The following ABLIM1 variants were observed in gnomAD, a reference collection of about 807,000 sequenced individuals.
ABLIM1 encodes the protein actin-binding LIM protein 1.
Under a neutral mutation model 107.0 loss-of-function variants are expected in ABLIM1, and 40 were observed. The observed-to-expected ratio is 0.37, with a 90% CI of 0.29 to 0.49. The LOEUF is 0.49. ABLIM1 is among the 20% of genes least tolerant of loss of function. ABLIM1 has a pLI of 0.97. For missense variants in ABLIM1, 857 were observed against 1,008.5 expected (o/e 0.85, Z 2.04); for synonymous variants, 357 against 357.3 (o/e 1.00, Z 0.01).
At chr10:114,692,381 T>G (rs1341243298) in intron 1 of ABLIM1, among the ~76,000 whole-genome samples, 1 of 152,262 alleles carries the variant, frequency 6.6e-6, no homozygotes, top group Non-Finnish European at 1.5e-5. Flanking sequence ...TCCAAGATTA[T>G]TGCGTCAGCA....
rs58116385 is a variant in ABLIM1 at position 114,674,289 on chromosome 10, CAAA to C, written c.64+9998_64+10000del. Among the ~76,000 whole-genome samples, 29 of 84,594 alleles carry C rather than the reference CAAA, an allele frequency of 3.4e-4. No individual in the cohort carries two copies. In the East Asian group the frequency reaches 5.2e-3, roughly 15 times the overall value. The allele number at this position is 84,594 out of a possible 152,430, so 55.5% of individuals were successfully genotyped here. A position where few individuals can be genotyped will look rare whatever the true frequency, so the allele number is the denominator to read the frequency against. ...TGGGCCACAGAGCGAGACTCTGTCACAAAAAAAAAAAAAAAAAATTAATTAATT... is the reference window on the plus strand; with the variant it reads ...TGGGCCACAGAGCGAGACTCTGTCACAAAAAAAAAAAAAAATTAATTAATT... On this transcript the variant is annotated intron_variant, in intron 1 of 23. Coordinates refer to the ABLIM1 transcript ENST00000369256.
At chr10:114,645,117 T>C (rs892076119) in intron 1 of ABLIM1, among the ~76,000 whole-genome samples, 3 of 152,170 alleles carry the variant, frequency 2.0e-5, no homozygotes, top group African/African-American at 4.8e-5. Context: ...TCATTTGCAA[T>C]GGAATCTGTC....
At chr10:114,718,473 A>G (rs1230948560) in intron 1 of ABLIM1, among the ~76,000 whole-genome samples, 1 of 152,188 alleles carries the variant, frequency 6.6e-6, no homozygotes, top group East Asian at 1.9e-4. Flanking sequence ...TCCTTCTCCA[A>G]AAACTATTGG....
At chr10:114,642,757 G>C (rs994779589) in intron 1 of ABLIM1, among the ~76,000 whole-genome samples, 1 of 152,064 alleles carries the variant, frequency 6.6e-6, no homozygotes, top group Non-Finnish European at 1.5e-5. Context: ...CTAAGGCTTC[G>C]AACTCCAAAA....
At chr10:114,535,508 G>A (rs771231316) in intron 6 of ABLIM1, among the ~76,000 whole-genome samples, 4 of 152,124 alleles carry the variant, frequency 2.6e-5, no homozygotes, top group East Asian at 1.9e-4. Flanking sequence ...ATGGGGTTTC[G>A]CCATGTTGGC....
intron 1 of ABLIM1, among the ~76,000 whole-genome samples, chr10:114,708,247 T>A (rs913250137): frequency 1.3e-5 from 2 of 152,192 alleles, no homozygotes; most frequent in African/African-American, 4.8e-5. Context: ...ACAGGCACCA[T>A]TCCAAGGCTG....
upstream of ABLIM1, among the ~76,000 whole-genome samples, chr10:114,686,345 C>G (rs1182941458): frequency 1.3e-5 from 2 of 151,562 alleles, no homozygotes; most frequent in African/African-American, 4.9e-5. Context: ...CTTGTCTCTA[C>G]TAAAAATTAA....
chr10:114,436,093 G>C lies in ABLIM1; in HGVS notation c.*167C>G. On this transcript the variant is annotated 3_prime_UTR_variant, in exon 23 of 23. Transcript: ENST00000533213. ...TGCTTCTTGGCAAGTGTTACTGTTG[G>C]CTGGCCCGACATTTGACTCATGGTG... The C allele has an allele frequency of 1.7e-6, 1 of 592,902 alleles. No homozygotes were observed. The highest frequency in any genetic ancestry group is 3.0e-6 in the Non-Finnish European group (1 of 332,302). 36.7% of individuals were successfully genotyped at this position (592,902 alleles called of 1,614,324 possible).
intron 1 of ABLIM1, among the ~76,000 whole-genome samples, chr10:114,732,180 C>CTTTTTTTTTTTTTTTTTTT (rs113276247): frequency 9.1e-6 from 1 of 109,878 alleles, no homozygotes; most frequent in Non-Finnish European, 1.9e-5. Flanking sequence ...CTTTTCTTTT[C>CTTTTTTTTTTTTTTTTTTT]TTTTTTTTTT....
At chr10:114,756,048 T>A (rs1397356330) in intron 1 of ABLIM1, among the ~76,000 whole-genome samples, 2 of 150,876 alleles carry the variant, frequency 1.3e-5, no homozygotes, top group Non-Finnish European at 2.9e-5. Context: ...AAATACTTAA[T>A]TATTTAATCC....
chr10:114,631,837 G>T (rs917817278), intron 1 of ABLIM1: 14 of 1,292,946 alleles, frequency 1.1e-5, no homozygotes, highest in Non-Finnish European at 1.4e-5. Context: ...CCCGTTAGGT[G>T]GCCGAGCCCT....
At chr10:114,556,053 G>A (rs190379383) in intron 4 of ABLIM1, among the ~76,000 whole-genome samples, 1 of 151,960 alleles carries the variant, frequency 6.6e-6, no homozygotes, top group African/African-American at 2.4e-5. Flanking sequence ...TCCCTGGCCA[G>A]GACTCAAGCT....
chr10:114,654,412 T>C (rs114684353), intron 1 of ABLIM1, among the ~76,000 whole-genome samples: 1,565 of 152,370 alleles, frequency 0.01, 31 homozygotes, highest in African/African-American at 0.036. Flanking sequence ...TGGATGCTTT[T>C]GTGTGCCACT....
intron 1 of ABLIM1, chr10:114,613,794 C>A (rs2076965849): frequency 3.2e-6 from 4 of 1,260,912 alleles, no homozygotes; most frequent in Non-Finnish European, 4.2e-6. Context: ...AGGCTCCTGA[C>A]TCCTCCCAGA....
intron 2 of ABLIM1, among the ~76,000 whole-genome samples, chr10:114,593,996 G>A (rs1423259652): frequency 1.3e-5 from 2 of 152,130 alleles, no homozygotes; most frequent in South Asian, 2.1e-4. Flanking sequence ...AGTAAGAAGC[G>A]AGCACATTTA....
intron 1 of ABLIM1, among the ~76,000 whole-genome samples, chr10:114,741,821 T>G (rs1033741883): frequency 2.6e-5 from 4 of 152,210 alleles, no homozygotes; most frequent in African/African-American, 9.7e-5. Context: ...GATTGTTTGT[T>G]GTTAAGTTAA....
At chr10:114,504,328 A>T (rs1236639696) in intron 6 of ABLIM1, among the ~76,000 whole-genome samples, 1 of 152,166 alleles carries the variant, frequency 6.6e-6, no homozygotes, top group Non-Finnish European at 1.5e-5. Flanking sequence ...AAGTCTCCAA[A>T]GTTACAGAGC....
intron 1 of ABLIM1, among the ~76,000 whole-genome samples, chr10:114,701,967 C>G (rs2081315580): frequency 6.6e-6 from 1 of 152,102 alleles, no homozygotes; most frequent in Non-Finnish European, 1.5e-5. Flanking sequence ...AGTGTTGAAG[C>G]TGGGCGATGG....
Position 114,658,114 on chromosome 10 carries a change from G to A in ABLIM1, c.87C>T (p.Ala29=). ...SKVTSSERTS[A]RGSNRKRLIV... ...TCAGTCTCTTTCTGTTCGAGCCCCT[G>A]GCACTGGTTCTCTCAGATGAGGTGA... The change falls in exon 1 of 23, where the codon GCC becomes GCT. Residue 29 remains alanine (A), a synonymous_variant. Coordinates refer to ENST00000533213, the MANE Select transcript of ABLIM1 (RefSeq NM_002313.7). 1 of 1,614,184 alleles carries A rather than the reference G, an allele frequency of 6.2e-7. No homozygotes were observed. The highest frequency in any genetic ancestry group is 1.1e-5 in the South Asian group (1 of 91,080).
Sources: allele counts gnomAD v4.1 joint callset (sites outside exome capture counted in the v4.1 genomes callset), GRCh38; gene constraint gnomAD v4.1.1; transcripts MANE v1.5; gene names NCBI Gene and HGNC (gene_info 2026-07-23, HGNC 2026-07-21).